ATG2B: variants seen among roughly 807,000 people sequenced by gnomAD.
ATG2B encodes the protein autophagy-related protein 2 homolog B.
In ATG2B, 121 loss-of-function variants were observed where a neutral mutation model predicts 241.3. That is an observed-to-expected ratio of 0.50 (90% CI 0.43 to 0.58). ATG2B has a LOEUF of 0.58. Among genes scored for constraint, ATG2B ranks in the 20% least tolerant of loss-of-function variants. The pLI is 0.00. For synonymous variants in ATG2B, 858 were observed against 876.6 expected (o/e 0.98, Z 0.37); for missense variants, 2,306 against 2,491.6 (o/e 0.93, Z 1.59).
In ATG2B at chr14:96,288,014, T is replaced by C. The variant is rs999610000; in HGVS notation, c.6006+1642A>G. Among the ~76,000 whole-genome samples, 15 of 9,452 alleles carry C rather than the reference T, an allele frequency of 1.6e-3. No individual in the cohort carries two copies. The African/African-American group carries it at 0.036, about 23-fold the overall frequency. The allele number at this position is 9,452 out of a possible 152,430, so 6.2% of individuals were successfully genotyped here. ...AAATACCAAGCACCACTTAGGAACT[T>C]TTTTTTTTTTAACTTTAATAGAGAA... On this transcript the variant is annotated intron_variant, in intron 41 of 41. Transcript: ENST00000359933.
chr14:96,315,292 AG>A (rs1887277322), intron 22 of ATG2B, 58 bp from the exon 23 acceptor site: 2 of 1,583,452 alleles, frequency 1.3e-6, no homozygotes, highest in Admixed American at 3.4e-5. Flanking sequence ...ATAACTCAAA[AG>A]TTTTTCCAAG....
chr14:96,337,138 T>C (rs912254074), intron 6 of ATG2B, among the ~76,000 whole-genome samples: 3 of 152,214 alleles, frequency 2.0e-5, no homozygotes, highest in African/African-American at 7.2e-5. Context: ...GCAAAGATTG[T>C]ATCTGATTCA....
chr14:96,345,015 G>A lies in ATG2B; in HGVS notation c.478+218C>T, dbSNP rs544456277. On this transcript the variant is annotated intron_variant, in intron 3 of 41. Coordinates refer to ENST00000359933, the MANE Select transcript of ATG2B (RefSeq NM_018036.7). ...TGTTATATTCTAATCCATTCACTAT[G>A]CAAGCATAATAAATGGAGAAACTAA... Among the ~76,000 whole-genome samples the A allele has an allele frequency of 2.0e-5, 3 of 151,450 alleles. No individual in the cohort carries two copies. The East Asian group carries it at 5.8e-4, about 29-fold the overall frequency.
rs150055658 is a variant in ATG2B at position 96,295,108 on chromosome 14, T to G, written c.5278A>C (p.Lys1760Gln). The change falls in exon 36 of 42, where the codon AAG (lysine) becomes CAG (glutamine). Residue 1760 changes from lysine to glutamine, a missense_variant. Lys to Gln is a moderately conservative substitution (Grantham distance 53). Coordinates refer to ENST00000359933, the MANE Select transcript of ATG2B (RefSeq NM_018036.7). Reference sequence around the variant, plus strand: ...AAAGAAATAACCAGATTTGGCTCCTTTGAGGTACTCAAATGCCTTGGCAAA... The same window carrying G: ...AAAGAAATAACCAGATTTGGCTCCTGTGAGGTACTCAAATGCCTTGGCAAA... ...CSLPRHLSTS[K>Q]EPNLVISFSG... The G allele has an allele frequency of 2.5e-6, 4 of 1,614,100 alleles. No individual in the cohort carries two copies. Among genetic ancestry groups the G allele is most frequent in the Non-Finnish European group, 3.4e-6 (4 of 1,180,050 alleles).
rs747836541 is a variant in ATG2B, at chr14:96,322,626, C to T, written c.2650G>A (p.Ala884Thr). 1 of 1,613,258 alleles carries T rather than the reference C, an allele frequency of 6.2e-7. No homozygotes were observed. The highest frequency in any genetic ancestry group is 8.5e-7 in the Non-Finnish European group (1 of 1,179,448). Reference protein sequence around the residue: ...GHYQEEEEGGAHSLKDVCDLR... With the variant: ...GHYQEEEEGGTHSLKDVCDLR... ...TCACAAACATCTTTCAAGGAATGAG[C>T]ACCTCCTTCCTCTTCCTCCTGGTAG... The change falls in exon 17 of 42, where the codon GCT becomes ACT. Residue 884 changes from alanine (A) to threonine (T), a missense_variant. Transcript: ENST00000359933.
chr14:96,338,994 A>G (rs1403521033), intron 6 of ATG2B, among the ~76,000 whole-genome samples: 1 of 152,140 alleles, frequency 6.6e-6, no homozygotes, highest in Non-Finnish European at 1.5e-5. Context: ...TTTCTCAAAG[A>G]AGATATTTAA....
chr14:96,287,426 T>C (rs1886369518), intron 41 of ATG2B, among the ~76,000 whole-genome samples: 1 of 152,176 alleles, frequency 6.6e-6, no homozygotes, highest in Non-Finnish European at 1.5e-5. Flanking sequence ...CTCTCCTCCC[T>C]ATCCCACCTG....
intron 6 of ATG2B, among the ~76,000 whole-genome samples, chr14:96,338,456 A>G (rs78689696): frequency 0.042 from 6,398 of 152,152 alleles, 201 homozygotes; most frequent in Non-Finnish European, 0.062. Context: ...CTTTGAGGTA[A>G]GTCCCTTCTG....
At chr14:96,302,443 C>T (rs1328306486) in intron 33 of ATG2B, among the ~76,000 whole-genome samples, 1 of 152,088 alleles carries the variant, frequency 6.6e-6, no homozygotes, top group Non-Finnish European at 1.5e-5. Context: ...ATTAGCCAGG[C>T]ACGGTGGTGC....
chr14:96,322,799 T>G (rs534325057), intron 16 of ATG2B, 64 bp from the exon 17 acceptor site: 1 of 1,378,982 alleles, frequency 7.3e-7, no homozygotes, highest in Non-Finnish European at 1.0e-6. Context: ...CTTTAACTTT[T>G]GTGCAAATTA....
chr14:96,354,608 A>C (rs1201687391), intron 1 of ATG2B, among the ~76,000 whole-genome samples: 1 of 152,178 alleles, frequency 6.6e-6, no homozygotes, highest in Non-Finnish European at 1.5e-5. Flanking sequence ...TTTATAATAG[A>C]ACAATTTATA....
intron 16 of ATG2B, among the ~76,000 whole-genome samples, 182 bp downstream of exon 16, chr14:96,323,714 C>T (rs1156441210): frequency 6.6e-6 from 1 of 152,142 alleles, no homozygotes; most frequent in Non-Finnish European, 1.5e-5. Flanking sequence ...AATAGCACAA[C>T]AAGGTTTGAG....
chr14:96,285,172 C>T lies in ATG2B; in HGVS notation c.*583G>A, dbSNP rs1440173342. 1.3e-5 allele frequency: 2 copies of T among 153,080 alleles called. No homozygotes were observed. Among genetic ancestry groups the T allele is most frequent in the African/African-American group, 2.4e-5 (1 of 41,454 alleles). 9.5% of individuals were successfully genotyped at this position (153,080 alleles called of 1,614,324 possible). A position where few individuals can be genotyped will look rare whatever the true frequency, so the allele number is the denominator to read the frequency against. ...AAACACAGGATAAAGTGCAACACAACAGAACATGTCTGCAACATTCACTTT... is the reference window on the plus strand; with the variant it reads ...AAACACAGGATAAAGTGCAACACAATAGAACATGTCTGCAACATTCACTTT... On this transcript the variant is annotated 3_prime_UTR_variant, in exon 42 of 42. Transcript: ENST00000359933. This position sits in a 1 kb window ranked among gnomAD's most constrained non-coding sequence, Gnocchi z 4.2.
At chr14:96,305,559 C>T in intron 31 of ATG2B, 30 bp downstream of exon 31, 1 of 1,466,082 alleles carries the variant, frequency 6.8e-7, no homozygotes, top group Non-Finnish European at 9.4e-7. Flanking sequence ...TATTGGCCTC[C>T]CAAATAAACT....
chr14:96,331,380 G>T lies in ATG2B; in HGVS notation c.1726C>A (p.Leu576Ile). 1 of 1,611,968 alleles carries T rather than the reference G, an allele frequency of 6.2e-7. No homozygotes were observed. Among genetic ancestry groups the T allele is most frequent in the South Asian group, 1.1e-5 (1 of 90,694 alleles). ...AATACATATGTGAGAGTTTACCTAA[G>T]GTGATCGTGTGAGCAAGCTTCTGCA... ...VFAEACSHDH[L>I]RFIGTGIKVS... is the part of the protein sequence containing the mutation. The change falls in exon 11 of 42, where the codon CTT becomes ATT. Residue 576 changes from leucine (L) to isoleucine (I), a missense_variant. Coordinates refer to ENST00000359933, the MANE Select transcript of ATG2B (RefSeq NM_018036.7).
intron 15 of ATG2B, among the ~76,000 whole-genome samples, chr14:96,324,874 G>T (rs1887549167): frequency 6.6e-6 from 1 of 152,006 alleles, no homozygotes; most frequent in Non-Finnish European, 1.5e-5. Flanking sequence ...GAGAAAAGAA[G>T]GGGAACTTTT....
intron 2 of ATG2B, among the ~76,000 whole-genome samples, chr14:96,345,949 G>C (rs1238268857): frequency 6.6e-6 from 1 of 152,094 alleles, no homozygotes; most frequent in Non-Finnish European, 1.5e-5. Context: ...GCTGTTGAAA[G>C]TAGAAAAAAT....
intron 29 of ATG2B, among the ~76,000 whole-genome samples, chr14:96,308,149 TAC>T (rs977476861): frequency 6.9e-5 from 10 of 144,380 alleles, no homozygotes; most frequent in Non-Finnish European, 1.1e-4. Context: ...TATATACATA[TAC>T]ACACACACAC....
chr14:96,334,526 C>T (rs748323258), intron 6 of ATG2B, 25 bp from the exon 7 acceptor site: 2 of 1,361,958 alleles, frequency 1.5e-6, no homozygotes, highest in South Asian at 2.5e-5. Flanking sequence ...AAAAACTATT[C>T]ATGAGGAGTA....
Sources: gnomAD v4.1 joint callset for allele counts (sites outside exome capture counted in the v4.1 genomes callset) on GRCh38, gnomAD v4.1.1 for gene constraint, Gnocchi (gnomAD v3.1) non-coding constraint, MANE v1.5 for transcripts, NCBI Gene and HGNC (gene_info 2026-07-23, HGNC 2026-07-21) for gene names.